The following NXPE4 variants were observed in gnomAD, a reference collection of about 807,000 sequenced individuals.
NXPE4 encodes neurexophilin and PC-esterase domain family member 4, also known as NXPE family member 4.
Under a neutral mutation model 33.3 loss-of-function variants are expected in NXPE4, and 42 were observed. That is an observed-to-expected ratio of 1.26 (90% CI 0.98 to 1.63). The LOEUF (loss-of-function observed/expected upper bound fraction) is 1.63. NXPE4 is among the 40% of genes most tolerant of loss of function. The pLI, the probability that NXPE4 is intolerant of heterozygous loss-of-function variation, is 0.00. For synonymous variants in NXPE4, 253 were observed against 234.9 expected (o/e 1.08, Z -0.71); for missense variants, 709 against 647.6 (o/e 1.09, Z -1.03).
chr11:114,608,377 A>G, the NXPE4 span, among the ~76,000 whole-genome samples: 65,077 of 151,628 alleles, frequency 0.43, 15,247 homozygotes, highest in African/African-American at 0.61. Flanking sequence ...CATGTGGATA[A>G]TAAGTGTTGC....
the NXPE4 span, among the ~76,000 whole-genome samples, chr11:114,625,054 GGAT>G: frequency 6.6e-6 from 1 of 152,086 alleles, no homozygotes; most frequent in African/African-American, 2.4e-5. Flanking sequence ...GTTACCCTGT[GGAT>G]GATAAATATT....
At chr11:114,619,369 T>A in the NXPE4 span, among the ~76,000 whole-genome samples, 87 of 151,808 alleles carry the variant, frequency 5.7e-4, no homozygotes, top group Non-Finnish European at 1.1e-3. Context: ...AGATAATAAG[T>A]GTTGCCACCT....
chr11:114,654,838 T>C, the NXPE4 span, among the ~76,000 whole-genome samples: 1 of 152,178 alleles, frequency 6.6e-6, no homozygotes, highest in African/African-American at 2.4e-5. Context: ...ATATACCCAG[T>C]AATGGGATTG....
At chr11:114,625,466 C>T in the NXPE4 span, among the ~76,000 whole-genome samples, 1 of 146,242 alleles carries the variant, frequency 6.8e-6, no homozygotes, top group Non-Finnish European at 1.5e-5. Context: ...TAACCACTGT[C>T]ACCCGGTGGA....
At chr11:114,620,865 G>A in the NXPE4 span, among the ~76,000 whole-genome samples, 11 of 152,140 alleles carry the variant, frequency 7.2e-5, no homozygotes, top group African/African-American at 2.4e-4. Context: ...ACTGTTACCC[G>A]ATGGATAATA....
intron 5 of NXPE4, among the ~76,000 whole-genome samples, chr11:114,577,042 A>T (rs1489538790): frequency 3.4e-5 from 1 of 29,810 alleles, no homozygotes. Flanking sequence ...TATATATATA[A>T]AGTTATATAT....
chr11:114,632,686 A>G, the NXPE4 span, among the ~76,000 whole-genome samples: 17 of 58,110 alleles, frequency 2.9e-4, no homozygotes, highest in African/African-American at 1.7e-3. Context: ...TTATATATAT[A>G]AATTTATATA....
chr11:114,591,568 A>C, intron 2 of NXPE4, among the ~76,000 whole-genome samples: 1 of 152,078 alleles, frequency 6.6e-6, no homozygotes, highest in East Asian at 1.9e-4. Context: ...AAAGAAATTA[A>C]GCCTCAGTAC....
chr11:114,646,517 A>T, the NXPE4 span, among the ~76,000 whole-genome samples: 1 of 152,012 alleles, frequency 6.6e-6, no homozygotes, highest in Non-Finnish European at 1.5e-5. Context: ...AGAACAATGT[A>T]ATTTTTTAAA....
the NXPE4 span, among the ~76,000 whole-genome samples, chr11:114,659,082 G>A: frequency 0.99 from 150,632 of 152,330 alleles, 74,499 homozygotes; most frequent in Middle Eastern, 1. Context: ...GAAACCTCAA[G>A]CACAGCTGGA....
the NXPE4 span, among the ~76,000 whole-genome samples, chr11:114,637,409 CTT>C: frequency 4.8e-4 from 73 of 152,146 alleles, 2 homozygotes; most frequent in South Asian, 0.015. Flanking sequence ...GGTCTTGACT[CTT>C]TATCCAATTT....
At chr11:114,613,178 T>C in the NXPE4 span, among the ~76,000 whole-genome samples, 4 of 151,842 alleles carry the variant, frequency 2.6e-5, no homozygotes, top group Admixed American at 6.6e-5. Context: ...TAATTAGTGT[T>C]GCCTCTAGGG....
At chr11:114,616,989 G>C in the NXPE4 span, among the ~76,000 whole-genome samples, 4 of 150,034 alleles carry the variant, frequency 2.7e-5, no homozygotes, top group East Asian at 7.8e-4. Flanking sequence ...TTTCCTTGTG[G>C]GTAACCACTG....
At chr11:114,616,258 A>T in the NXPE4 span, among the ~76,000 whole-genome samples, 10 of 151,634 alleles carry the variant, frequency 6.6e-5, no homozygotes, top group African/African-American at 2.4e-4. Flanking sequence ...TACCCAGAGG[A>T]CAATAAATGT....
the NXPE4 span, among the ~76,000 whole-genome samples, chr11:114,627,812 A>G: frequency 3.3e-5 from 5 of 151,828 alleles, no homozygotes; most frequent in Non-Finnish European, 7.4e-5. Flanking sequence ...TCAAAATAAA[A>G]GGATGGAGGA....
At chr11:114,588,540 A>G (rs1055886923) in intron 2 of NXPE4, among the ~76,000 whole-genome samples, 3 of 152,170 alleles carry the variant, frequency 2.0e-5, no homozygotes, top group African/African-American at 7.2e-5. Context: ...GTAGGCCAAA[A>G]GGGAAAAAAG....
At chr11:114,673,332 A>C in the NXPE4 span, among the ~76,000 whole-genome samples, 1 of 151,544 alleles carries the variant, frequency 6.6e-6, no homozygotes, top group African/African-American at 2.4e-5. Flanking sequence ...TAAAGTAGTT[A>C]TTAGATGGAA....
the NXPE4 span, among the ~76,000 whole-genome samples, chr11:114,619,093 C>G: frequency 1.3e-5 from 2 of 152,004 alleles, no homozygotes; most frequent in Admixed American, 1.3e-4. Flanking sequence ...CATGGGTAAC[C>G]ACTGTTGCAC....
At chr11:114,586,886 C>A (rs1949312968) in intron 2 of NXPE4, among the ~76,000 whole-genome samples, 1 of 152,096 alleles carries the variant, frequency 6.6e-6, no homozygotes, top group Non-Finnish European at 1.5e-5. Context: ...AAGGAAATGC[C>A]ATAATGCCTG....
Sources: gnomAD v4.1 joint callset for allele counts (sites outside exome capture counted in the v4.1 genomes callset) on GRCh38, gnomAD v4.1.1 for gene constraint, MANE v1.5 for transcripts, NCBI Gene and HGNC (gene_info 2026-07-23, HGNC 2026-07-21) for gene names.